AIFM3: variants seen among roughly 807,000 people sequenced by gnomAD.
AIFM3 encodes apoptosis-inducing factor 3.
In AIFM3, 71 loss-of-function variants were observed where a neutral mutation model predicts 82.7. The ratio of observed to expected loss-of-function variants is 0.86; its 90% CI spans 0.71 to 1.05. The LOEUF (loss-of-function observed/expected upper bound fraction) is 1.05. Among genes scored for constraint, AIFM3 ranks in the 50% least tolerant of loss-of-function variants. The pLI is 0.00. For synonymous variants in AIFM3, 337 were observed against 329.1 expected (o/e 1.02, Z -0.26); for missense variants, 748 against 816.7 (o/e 0.92, Z 1.03).
intron 13 of AIFM3, 41 bp downstream of exon 13, chr22:20,976,979 G>A (rs765790583): frequency 6.2e-7 from 1 of 1,614,150 alleles, no homozygotes; most frequent in Admixed American, 1.7e-5. Context: ...TCTGTCCTCT[G>A]TCCCCTGAGC....
rs1370610245 is a variant in AIFM3 at position 20,974,788 on chromosome 22, TTCCCTACGACCG to T, written c.697_708del (p.Tyr233_Pro236del). ...GTCCTGTGCACGCTAGACCGGCACC[TTCCCTACGACCG>T]TCCCAAGCTCAGCAAGGTACAGGGG... On this transcript the variant is annotated inframe_deletion, in exon 8 of 21. Transcript: ENST00000440238. 6.2e-7 allele frequency: 1 copy of T among 1,612,978 alleles called. No individual in the cohort carries two copies. The highest frequency in any genetic ancestry group is 1.1e-5 in the South Asian group (1 of 91,032).
chr22:20,968,258 T>A (rs1292810477), intron 2 of AIFM3, among the ~76,000 whole-genome samples: 1 of 152,102 alleles, frequency 6.6e-6, no homozygotes, highest in East Asian at 1.9e-4. Flanking sequence ...AAAGTCAGGG[T>A]TCCTCCTGTT....
Position 20,976,738 on chromosome 22 carries a change from G to A in AIFM3, c.1118G>A (p.Gly373Glu), listed in dbSNP as rs755276108. ...LEETPFRRFL[G>E]ERVGRALMKM... Reference sequence around the variant, plus strand: ...GAGACGCCCTTCAGGAGGTTCCTGGGGGAGCGCGTGGGTCGTGCCCTCATG... The same window carrying A: ...GAGACGCCCTTCAGGAGGTTCCTGGAGGAGCGCGTGGGTCGTGCCCTCATG... The change falls in exon 12 of 21, where the codon GGG becomes GAG. Residue 373 changes from glycine to glutamate, a missense_variant. Gly to Glu is a moderately conservative substitution (Grantham distance 98, BLOSUM62 -2). This residue lies in a region of AIFM3 where 393 missense variants were observed against 481.1 expected (regional missense o/e 0.82). Coordinates refer to ENST00000440238, the MANE Select transcript of AIFM3 (RefSeq NM_001386814.1). 1 of 1,610,208 alleles carries A rather than the reference G, an allele frequency of 6.2e-7. No homozygotes were observed. The highest frequency in any genetic ancestry group is 8.5e-7 in the Non-Finnish European group (1 of 1,178,252).
intron 8 of AIFM3, among the ~76,000 whole-genome samples, chr22:20,975,186 T>G (rs1030496739): frequency 6.6e-6 from 1 of 151,324 alleles, no homozygotes; most frequent in Non-Finnish European, 1.5e-5. Context: ...AGACCAGTCT[T>G]GAACTCCTGA....
At chr22:20,980,205 CCCA>C in intron 19 of AIFM3, 81 bp downstream of exon 19, 1 of 1,308,740 alleles carries the variant, frequency 7.6e-7, no homozygotes, top group Non-Finnish European at 1.1e-6. Flanking sequence ...GCCAGCCGCC[CCCA>C]CAACCCTCCA....
At chr22:20,974,650 T>A in intron 7 of AIFM3, 29 bp downstream of exon 7, 1 of 1,612,878 alleles carries the variant, frequency 6.2e-7, no homozygotes, top group Non-Finnish European at 8.5e-7. Flanking sequence ...AGGGGCAGGG[T>A]GGGAGATGGG....
chr22:20,973,302 C>T lies in AIFM3; in HGVS notation c.32-5C>T, dbSNP rs1349840692. The T allele has an allele frequency of 1.3e-6, 2 of 1,574,014 alleles. No homozygotes were observed. The highest frequency in any genetic ancestry group is 2.4e-5 in the East Asian group (1 of 42,488). ...GGGGGGCTCAAGGCGCTGCCTTGCC[C>T]ACAGTGGAGCTCAAGATCGAGGTGG... On this transcript the variant is annotated splice_region_variant and splice_polypyrimidine_tract_variant and intron_variant, in intron 2 of 20. Coordinates refer to ENST00000440238, the MANE Select transcript of AIFM3 (RefSeq NM_001386814.1).
At position 20,967,878 on chromosome 22, in the gene AIFM3, G is replaced by C. The variant is rs751693537; in HGVS notation, c.-67G>C. On this transcript the variant is annotated 5_prime_UTR_variant, in exon 2 of 21. Transcript: ENST00000440238. Reference sequence around the variant, plus strand: ...TGCAGGGGGTCCAGCCCCATGGGGGGCGCCCTAGGCCTCCGACAGCTCCCC... The same window carrying C: ...TGCAGGGGGTCCAGCCCCATGGGGGCCGCCCTAGGCCTCCGACAGCTCCCC... 2 of 1,589,164 alleles carry C rather than the reference G, an allele frequency of 1.3e-6. No homozygotes were observed. Among genetic ancestry groups the C allele is most frequent in the South Asian group, 1.1e-5 (1 of 90,642 alleles).
At chr22:20,971,986 C>T (rs965868929) in intron 2 of AIFM3, among the ~76,000 whole-genome samples, 7 of 152,206 alleles carry the variant, frequency 4.6e-5, no homozygotes, top group Admixed American at 4.6e-4. Flanking sequence ...GGGCTGTGCC[C>T]CCTCTGTGCC....
Position 20,968,315 on chromosome 22 carries a change from A to G in AIFM3, c.31+340A>G, listed in dbSNP as rs187483659. Among the ~76,000 whole-genome samples the G allele has an allele frequency of 5.3e-3, 810 of 151,798 alleles. 6 individuals are homozygous for G. Among genetic ancestry groups the G allele is most frequent in the African/African-American group, 0.019 (770 of 41,354 alleles). On this transcript the variant is annotated intron_variant, in intron 2 of 20. Transcript: ENST00000440238. Reference sequence around the variant, plus strand: ...TGCCCCCAGGGCCAGGGAAGGGGGGAGCTGGGGACACGCTCAGCCACTCTG... The same window carrying G: ...TGCCCCCAGGGCCAGGGAAGGGGGGGGCTGGGGACACGCTCAGCCACTCTG...
chr22:20,978,688 C>G (rs966626013), intron 16 of AIFM3, among the ~76,000 whole-genome samples: 5 of 152,004 alleles, frequency 3.3e-5, no homozygotes, highest in African/African-American at 1.2e-4. Context: ...AACCCCACTT[C>G]TGGTACCAAT....
At chr22:20,971,594 G>T (rs1387265995) in intron 2 of AIFM3, among the ~76,000 whole-genome samples, 1 of 152,220 alleles carries the variant, frequency 6.6e-6, no homozygotes, top group Non-Finnish European at 1.5e-5. Context: ...GTGCATCTCG[G>T]CAGCCTCTCT....
In AIFM3 at chr22:20,977,905, C is replaced by T. The variant is rs1437889150; in HGVS notation, c.1377C>T (p.Val459=). The T allele has an allele frequency of 6.2e-7, 1 of 1,614,154 alleles. No homozygotes were observed. Among genetic ancestry groups the T allele is most frequent in the Non-Finnish European group, 8.5e-7 (1 of 1,180,024 alleles). The change falls in exon 16 of 21, where the codon GTC becomes GTT. Residue 459 remains valine, a synonymous_variant. Coordinates refer to ENST00000440238, the MANE Select transcript of AIFM3 (RefSeq NM_001386814.1). ...IPVNKMMQTN[V]PGVFAAGDAV... ...CTCTACAGATGATGCAGACCAATGT[C>T]CCAGGCGTGTTTGCAGCTGGCGATG...
chr22:20,976,840 C>T lies in AIFM3; in HGVS notation c.1147-27C>T, dbSNP rs199667436. ...GGCCCCTGGCTGGGCTCTCATCCAC[C>T]GCCCACCTGCCCACTTGCCCTGACA... On this transcript the variant is annotated intron_variant, in intron 12 of 20. Transcript: ENST00000440238. 228 of 1,593,124 alleles carry T rather than the reference C, an allele frequency of 1.4e-4. No individual in the cohort carries two copies. In the African/African-American group the frequency reaches 2.6e-3, roughly 18 times the overall value.
chr22:20,966,118 G>A (rs1922877416), upstream of AIFM3, among the ~76,000 whole-genome samples: 2 of 152,176 alleles, frequency 1.3e-5, no homozygotes, highest in Non-Finnish European at 2.9e-5. Context: ...GGGGATTCAG[G>A]TCCCTGGGTA....
chr22:20,977,323 A>T (rs925127382), intron 14 of AIFM3: 16 of 624,832 alleles, frequency 2.6e-5, no homozygotes, highest in Admixed American at 1.1e-4. Flanking sequence ...GCCCAGTAAC[A>T]CTCATCTCCA....
At position 20,973,374 on chromosome 22, in the gene AIFM3, G is replaced by T; in HGVS notation, c.99G>T (p.Gly33=). The T allele has an allele frequency of 6.2e-7, 1 of 1,610,590 alleles. No homozygotes were observed. Among genetic ancestry groups the T allele is most frequent in the Non-Finnish European group, 8.5e-7 (1 of 1,178,934 alleles). Reference sequence around the variant, plus strand: ...GCAAGGAGGAGCTGTCGGCCAGTGGGAAGGGCAGCCCCCGGGCCTACCAGG... The same window carrying T: ...GCAAGGAGGAGCTGTCGGCCAGTGGTAAGGGCAGCCCCCGGGCCTACCAGG... The part of the protein sequence containing the change: ...ERGKEELSAS[G]KGSPRAYQGN... Residue 33 remains glycine (G), a synonymous_variant, in exon 3 of 21, where the codon GGG becomes GGT. Transcript: ENST00000440238.
Position 20,980,978 on chromosome 22 carries a change from C to G in AIFM3, c.1779-14C>G. ...TTTCTTCTGTCTTGACCCCTCCTCC[C>G]CTCACTCCTGCAGGACTGGCGACAT... is the stretch of plus-strand genomic sequence containing the variant. On this transcript the variant is annotated splice_polypyrimidine_tract_variant and intron_variant, in intron 20 of 20. Transcript: ENST00000440238. 1.2e-6 allele frequency: 2 copies of G among 1,614,184 alleles called. No individual in the cohort carries two copies. Among genetic ancestry groups the G allele is most frequent in the Non-Finnish European group, 1.7e-6 (2 of 1,180,022 alleles).
chr22:20,973,199 A>C, intron 2 of AIFM3, 108 bp from the exon 3 acceptor site: 1 of 1,295,984 alleles, frequency 7.7e-7, no homozygotes, highest in Non-Finnish European at 1.1e-6. Flanking sequence ...GTTGCCAGGC[A>C]GGGCTGAGCC....
Sources: allele counts gnomAD v4.1 joint callset (sites outside exome capture counted in the v4.1 genomes callset), GRCh38; gene constraint gnomAD v4.1.1; regional missense constraint gnomAD v4.1.1; transcripts MANE v1.5; gene names NCBI Gene and HGNC (gene_info 2026-07-23, HGNC 2026-07-21).